Variants in TAFA2 observed in about 807,000 individuals in gnomAD.
The protein encoded by TAFA2 is TAFA chemokine like family member 2.
In TAFA2, 7 loss-of-function variants were observed where a neutral mutation model predicts 18.8. That is an observed-to-expected ratio of 0.37 (90% CI 0.21 to 0.70). The LOEUF is 0.70. TAFA2 is among the 30% of genes least tolerant of loss of function. The pLI is 0.53. For synonymous variants in TAFA2, 60 were observed against 54.2 expected (o/e 1.11, Z -0.47); for missense variants, 122 against 158.1 (o/e 0.77, Z 1.23).
chr12:61,715,366 T>G (rs931502463), intron 4 of TAFA2, among the ~76,000 whole-genome samples: 3 of 152,038 alleles, frequency 2.0e-5, no homozygotes, highest in African/African-American at 7.2e-5. Context: ...TTATTTTTTT[T>G]GAGATGGAGT....
intron 1 of TAFA2, among the ~76,000 whole-genome samples, chr12:62,226,195 T>A (rs912204695): frequency 2.8e-5 from 2 of 70,328 alleles, no homozygotes; most frequent in Non-Finnish European, 5.8e-5. Context: ...TTGATTACTC[T>A]TTTTTTTTTT....
At chr12:62,256,295 A>C (rs2062938541) in intron 1 of TAFA2, among the ~76,000 whole-genome samples, 1 of 152,090 alleles carries the variant, frequency 6.6e-6, no homozygotes, top group Non-Finnish European at 1.5e-5. Flanking sequence ...ATAAAGTAGG[A>C]ACCTAGATTA....
At position 61,851,886 on chromosome 12, in the gene TAFA2, C is replaced by A. The variant is rs1447513349; in HGVS notation, c.106+15434G>T. ...TAAAAGTTCACTTTAGCACCTGGGTCGACAATGGATAAGAGTCAGGACATT... is the reference window on the plus strand; with the variant it reads ...TAAAAGTTCACTTTAGCACCTGGGTAGACAATGGATAAGAGTCAGGACATT... On this transcript the variant is annotated intron_variant, in intron 2 of 4. Transcript: ENST00000416284. Among the ~76,000 whole-genome samples, 5 of 138,908 alleles carry A rather than the reference C, an allele frequency of 3.6e-5. No individual in the cohort carries two copies. In the Admixed American group the frequency reaches 3.8e-4, roughly 11 times the overall value. 91.1% of individuals were successfully genotyped at this position (138,908 alleles called of 152,430 possible).
Position 62,238,972 on chromosome 12 carries a change from C to T in TAFA2, c.-130+19791G>A, listed in dbSNP as rs186207015. Among the ~76,000 whole-genome samples, 22 of 152,266 alleles carry T rather than the reference C, an allele frequency of 1.4e-4. No individual in the cohort carries two copies. In the South Asian group the frequency reaches 3.3e-3, roughly 23 times the overall value. On this transcript the variant is annotated intron_variant, in intron 1 of 5. Transcript: ENST00000551619. The stretch of plus-strand genomic sequence containing the variant: ...AGAAAACAAATGTCTGATTCCAAGA[C>T]GATTTATAAATATGCACGTTTTTAT...
chr12:62,047,315 C>T (rs528738990), intron 1 of TAFA2, among the ~76,000 whole-genome samples: 9 of 152,158 alleles, frequency 5.9e-5, no homozygotes, highest in South Asian at 4.2e-4. Flanking sequence ...TGATATTTGG[C>T]AAGTGACAAC....
chr12:62,096,823 C>T (rs1245266738), intron 1 of TAFA2, among the ~76,000 whole-genome samples: 1 of 152,086 alleles, frequency 6.6e-6, no homozygotes, highest in Admixed American at 6.6e-5. Context: ...GATTGCCAGG[C>T]CTCTGTAATG....
At chr12:61,901,881 C>T (rs985365011) in intron 1 of TAFA2, among the ~76,000 whole-genome samples, 1 of 152,044 alleles carries the variant, frequency 6.6e-6, no homozygotes, top group South Asian at 2.1e-4. Flanking sequence ...AGAATGGGTT[C>T]TGTTTCTTTG....
chr12:61,804,666 T>C (rs1172766062), intron 2 of TAFA2, among the ~76,000 whole-genome samples: 1 of 152,062 alleles, frequency 6.6e-6, no homozygotes, highest in Non-Finnish European at 1.5e-5. Flanking sequence ...CTCTGTGGAA[T>C]TATTACCTGG....
intron 1 of TAFA2, among the ~76,000 whole-genome samples, chr12:62,009,354 T>G (rs1192148886): frequency 2.0e-5 from 3 of 152,210 alleles, no homozygotes; most frequent in Non-Finnish European, 4.4e-5. Flanking sequence ...TGTATTCATT[T>G]ATTCATTTAA....
chr12:62,069,974 C>G (rs570987485), intron 1 of TAFA2, among the ~76,000 whole-genome samples: 2 of 152,316 alleles, frequency 1.3e-5, no homozygotes, highest in South Asian at 4.1e-4. Flanking sequence ...CATTTATACA[C>G]TTGCATGCAA....
At chr12:62,119,070 T>C (rs1870085310) in intron 1 of TAFA2, among the ~76,000 whole-genome samples, 1 of 152,186 alleles carries the variant, frequency 6.6e-6, no homozygotes, top group African/African-American at 2.4e-5. Context: ...AGATTTGCTT[T>C]TGATACTTAA....
chr12:62,107,704 T>C (rs916540198), intron 1 of TAFA2, among the ~76,000 whole-genome samples: 2 of 152,144 alleles, frequency 1.3e-5, no homozygotes, highest in African/African-American at 4.8e-5. Flanking sequence ...TGCAAATTCA[T>C]AACAGCCTCC....
chr12:62,130,904 A>T (rs1239494751), intron 1 of TAFA2, among the ~76,000 whole-genome samples: 1 of 152,038 alleles, frequency 6.6e-6, no homozygotes. Flanking sequence ...TTTCTGAACA[A>T]GAAAGCGAAA....
chr12:62,115,577 A>G (rs556600631), intron 1 of TAFA2, among the ~76,000 whole-genome samples: 1 of 152,156 alleles, frequency 6.6e-6, no homozygotes, highest in Non-Finnish European at 1.5e-5. Context: ...ATGTTTTTAT[A>G]ACTGTGTGAT....
intron 1 of TAFA2, among the ~76,000 whole-genome samples, chr12:62,165,290 T>C (rs2062431161): frequency 6.6e-6 from 1 of 152,052 alleles, no homozygotes; most frequent in Non-Finnish European, 1.5e-5. Context: ...AACTTCTACC[T>C]CTCTGTCTAC....
intron 2 of TAFA2, among the ~76,000 whole-genome samples, chr12:61,846,674 A>G (rs930091694): frequency 3.9e-5 from 6 of 152,206 alleles, no homozygotes; most frequent in South Asian, 2.1e-4. Context: ...CATTATTTCA[A>G]TTAAAATAAA....
At chr12:62,210,558 A>G (rs1179900441) in intron 1 of TAFA2, among the ~76,000 whole-genome samples, 6 of 152,240 alleles carry the variant, frequency 3.9e-5, no homozygotes, top group African/African-American at 1.4e-4. Context: ...TAACATTTTT[A>G]GACAAGCATC....
chr12:62,226,939 A>T (rs2062789447), intron 1 of TAFA2, among the ~76,000 whole-genome samples: 1 of 152,156 alleles, frequency 6.6e-6, no homozygotes, highest in Admixed American at 6.5e-5. Context: ...TGCTGTGTAT[A>T]GCCTTGCTCT....
intron 2 of TAFA2, among the ~76,000 whole-genome samples, chr12:61,823,517 G>A (rs185075757): frequency 1.3e-5 from 2 of 152,194 alleles, no homozygotes; most frequent in Admixed American, 1.3e-4. Context: ...TCAATCCTGG[G>A]CAAGTTACTC....
Sources: gnomAD v4.1 joint callset for allele counts (sites outside exome capture counted in the v4.1 genomes callset) on GRCh38, gnomAD v4.1.1 for gene constraint, MANE v1.5 for transcripts, NCBI Gene and HGNC (gene_info 2026-07-23, HGNC 2026-07-21) for gene names.